Variants in KIAA1958 observed in about 807,000 individuals in gnomAD.
The protein encoded by KIAA1958 is uncharacterized protein KIAA1958.
KIAA1958 carries 14 observed loss-of-function variants against 47.2 expected under a neutral mutation model. The observed-to-expected ratio is 0.30, with a 90% CI of 0.20 to 0.46. The LOEUF (loss-of-function observed/expected upper bound fraction) is 0.46, where lower values mean the gene tolerates loss of function less well. KIAA1958 is among the 20% of genes least tolerant of loss of function. The pLI, the probability that KIAA1958 is intolerant of heterozygous loss-of-function variation, is 1.00. For missense variants in KIAA1958, 803 were observed against 909.2 expected (o/e 0.88, Z 1.50); for synonymous variants, 354 against 353.3 (o/e 1.00, Z -0.02).
At position 112,645,812 on chromosome 9, in the gene KIAA1958, A is replaced by G; in HGVS notation, c.1334A>G (p.Asp445Gly). The change falls in exon 3 of 4, where the codon GAC (aspartate) becomes GGC (glycine). Residue 445 changes from aspartate to glycine, a missense_variant. By Grantham distance (94) the Asp-to-Gly change is moderately conservative. Transcript: ENST00000337530. ...CMTNGLKDHT[D>G]ITKIPAVKLN... ...ACCAACGGGCTCAAAGACCACACAG[A>G]CATCACCAAGGTAAGGGACTCTTGA... 1 of 1,612,020 alleles carries G rather than the reference A, an allele frequency of 6.2e-7. No homozygotes were observed. The highest frequency in any genetic ancestry group is 8.5e-7 in the Non-Finnish European group (1 of 1,179,422).
Position 112,659,494 on chromosome 9 carries a change from C to T in KIAA1958, c.1576C>T (p.Arg526Cys), listed in dbSNP as rs756296884. The T allele has an allele frequency of 5.0e-6, 8 of 1,613,554 alleles. No homozygotes were observed. Among genetic ancestry groups the T allele is most frequent in the East Asian group, 2.2e-5 (1 of 44,870 alleles). The change falls in exon 4 of 4, where the codon CGT (arginine) becomes TGT (cysteine). Residue 526 changes from arginine to cysteine, a missense_variant. By Grantham distance (180) the Arg-to-Cys change is radical (BLOSUM62 -3). Transcript: ENST00000337530. ...VLSKAGMSGA[R>C]SRNIVYFSLS... ...GAGTAAGGCAGGCATGTCGGGCGCG[C>T]GTTCTCGCAACATCGTCTACTTCTC...
intron 2 of KIAA1958, among the ~76,000 whole-genome samples, chr9:112,637,895 T>C (rs1836831542): frequency 1.3e-5 from 2 of 151,436 alleles, no homozygotes. Context: ...ACACCTGTAA[T>C]CCCAACACTT....
In KIAA1958 at chr9:112,574,341, A is replaced by G. The variant is rs375495090; in HGVS notation, c.261A>G (p.Ile87Met). ...NRSFNSDSPSIIGVPSETQTS... is the reference protein window; with the variant it reads ...NRSFNSDSPSMIGVPSETQTS... ...GTTTTAACTCTGATAGTCCCAGTAT[A>G]ATCGGGGTGCCCTCTGAGACACAGA... The change falls in exon 2 of 4, where the codon ATA becomes ATG. Residue 87 changes from isoleucine to methionine, a missense_variant. By Grantham distance (10) the Ile-to-Met change is conservative. Around this residue, in one of 2 missense-constraint regions of KIAA1958, gnomAD observed 761 missense variants for 829.3 expected, o/e 0.92. Coordinates refer to ENST00000337530, the MANE Select transcript of KIAA1958 (RefSeq NM_133465.4). The G allele has an allele frequency of 1.9e-6, 3 of 1,614,068 alleles. No individual in the cohort carries two copies. Among genetic ancestry groups the G allele is most frequent in the East Asian group, 4.5e-5 (2 of 44,888 alleles).
intron 1 of KIAA1958, among the ~76,000 whole-genome samples, chr9:112,513,297 G>A (rs1478282135): frequency 2.2e-5 from 3 of 133,608 alleles, no homozygotes; most frequent in East Asian, 4.2e-4. Flanking sequence ...GAGCCACTGC[G>A]CCCGGCCAGG....
At position 112,645,818 on chromosome 9, in the gene KIAA1958, C is replaced by G; in HGVS notation, c.1340C>G (p.Thr447Ser). Residue 447 changes from threonine (T) to serine (S), a missense_variant, in exon 3 of 4, where the codon ACC becomes AGC. Transcript: ENST00000337530. ...TNGLKDHTDI[T>S]KIPAVKLNEL... ...GGGCTCAAAGACCACACAGACATCACCAAGGTAAGGGACTCTTGAGTTTAC... is the reference window on the plus strand; with the variant it reads ...GGGCTCAAAGACCACACAGACATCAGCAAGGTAAGGGACTCTTGAGTTTAC... 1 of 1,611,606 alleles carries G rather than the reference C, an allele frequency of 6.2e-7. No individual in the cohort carries two copies. The highest frequency in any genetic ancestry group is 8.5e-7 in the Non-Finnish European group (1 of 1,179,240).
At chr9:112,521,862 A>G (rs967471643) in intron 1 of KIAA1958, among the ~76,000 whole-genome samples, 1 of 152,148 alleles carries the variant, frequency 6.6e-6, no homozygotes, top group Non-Finnish European at 1.5e-5. Flanking sequence ...CATTAGACTG[A>G]TTACTGTGTG....
intron 3 of KIAA1958, among the ~76,000 whole-genome samples, chr9:112,658,868 A>G (rs1158939652): frequency 6.6e-6 from 1 of 151,594 alleles, no homozygotes; most frequent in Non-Finnish European, 1.5e-5. Context: ...AAAATACAAA[A>G]AATTAGCCGG....
intron 2 of KIAA1958, among the ~76,000 whole-genome samples, chr9:112,631,521 A>G (rs1227917581): frequency 7.4e-6 from 1 of 135,896 alleles, no homozygotes; most frequent in Non-Finnish European, 1.6e-5. Context: ...ATAGAGCAAG[A>G]GCCTCTCTCA....
At chr9:112,538,362 AAG>A (rs1834889665) in intron 1 of KIAA1958, among the ~76,000 whole-genome samples, 1 of 152,126 alleles carries the variant, frequency 6.6e-6, no homozygotes, top group Non-Finnish European at 1.5e-5. Context: ...AAAAAAAAGA[AAG>A]AAAGAAAAAA....
At chr9:112,549,838 T>G (rs1028794798) in intron 1 of KIAA1958, among the ~76,000 whole-genome samples, 2 of 152,226 alleles carry the variant, frequency 1.3e-5, no homozygotes, top group Non-Finnish European at 2.9e-5. Flanking sequence ...TGGGTAGAGA[T>G]GCTGCAAAGC....
At chr9:112,508,620 G>A (rs1332995673) in intron 1 of KIAA1958, among the ~76,000 whole-genome samples, 1 of 152,198 alleles carries the variant, frequency 6.6e-6, no homozygotes, top group Non-Finnish European at 1.5e-5. Context: ...TCAATAGATT[G>A]CATTTGCTCC....
chr9:112,505,904 A>C (rs1041740218), intron 1 of KIAA1958, among the ~76,000 whole-genome samples: 3 of 152,316 alleles, frequency 2.0e-5, no homozygotes, highest in African/African-American at 7.2e-5. Context: ...TAAGCTGACA[A>C]ACAGCAGTGA....
intron 1 of KIAA1958, among the ~76,000 whole-genome samples, chr9:112,557,869 A>C (rs769854981): frequency 6.6e-6 from 1 of 152,242 alleles, no homozygotes; most frequent in Non-Finnish European, 1.5e-5. Flanking sequence ...AGAAAATGTT[A>C]TAGGAATAAA....
chr9:112,561,519 A>G lies in KIAA1958; in HGVS notation c.-24-12538A>G, dbSNP rs538957662. 3.9e-5 allele frequency among the ~76,000 whole-genome samples: 6 copies of G among 152,250 alleles called. No individual in the cohort carries two copies. In the South Asian group the frequency reaches 1.2e-3, roughly 32 times the overall value. On this transcript the variant is annotated intron_variant, in intron 1 of 3. Transcript: ENST00000337530. ...AGTGGCCCACTGTCATACAATATTT[A>G]TTGAATAGAAATGCTACTGAAAAGC...
At position 112,521,834 on chromosome 9, in the gene KIAA1958, A is replaced by G. The variant is rs79295537; in HGVS notation, c.-25+34716A>G. 1.2e-3 allele frequency among the ~76,000 whole-genome samples: 185 copies of G among 152,210 alleles called. 6 individuals are homozygous for G. The East Asian group carries it at 0.034, about 28-fold the overall frequency. On this transcript the variant is annotated intron_variant, in intron 1 of 3. Coordinates refer to ENST00000337530, the MANE Select transcript of KIAA1958 (RefSeq NM_133465.4). ...AATCAATAGGATACATTCTCTTGTTATCCCCATTGTTAAAGTGCATTAGAC... is the reference window on the plus strand; with the variant it reads ...AATCAATAGGATACATTCTCTTGTTGTCCCCATTGTTAAAGTGCATTAGAC...
At chr9:112,581,016 A>G (rs1425541135) in intron 2 of KIAA1958, among the ~76,000 whole-genome samples, 1 of 152,144 alleles carries the variant, frequency 6.6e-6, no homozygotes, top group Non-Finnish European at 1.5e-5. Context: ...GAGAGAGTGG[A>G]GCCTGGCCAC....
chr9:112,567,465 T>A (rs1049146582), intron 1 of KIAA1958, among the ~76,000 whole-genome samples: 1 of 152,110 alleles, frequency 6.6e-6, no homozygotes, highest in Admixed American at 6.5e-5. Context: ...TTTTTCCACT[T>A]GGAAAGAAAG....
At chr9:112,641,979 C>G (rs746205201) in intron 2 of KIAA1958, among the ~76,000 whole-genome samples, 1 of 152,078 alleles carries the variant, frequency 6.6e-6, no homozygotes, top group Non-Finnish European at 1.5e-5. Context: ...TTCAGGGGGA[C>G]GAGTAGGGAA....
intron 3 of KIAA1958, among the ~76,000 whole-genome samples, chr9:112,658,346 C>G (rs1419656097): frequency 5.3e-5 from 8 of 152,122 alleles, no homozygotes; most frequent in Non-Finnish European, 7.3e-5. Flanking sequence ...GTGCAGATAT[C>G]AAGGAAATCA....
Sources: gnomAD v4.1 joint callset for allele counts (sites outside exome capture counted in the v4.1 genomes callset) on GRCh38, gnomAD v4.1.1 for gene constraint, gnomAD v4.1.1 regional missense constraint, MANE v1.5 for transcripts, NCBI Gene and HGNC (gene_info 2026-07-23, HGNC 2026-07-21) for gene names.